Variants in WDR7 observed in about 807,000 individuals in gnomAD.
The protein encoded by WDR7 is WD repeat domain 7, also known as WD repeat-containing protein 7.
In WDR7, 46 loss-of-function variants were observed where a neutral mutation model predicts 169.4. The ratio of observed to expected loss-of-function variants is 0.27; its 90% CI spans 0.21 to 0.35. The LOEUF (loss-of-function observed/expected upper bound fraction) is 0.35. Among genes scored for constraint, WDR7 ranks in the 10% least tolerant of loss-of-function variants. WDR7 has a pLI of 1.00. For synonymous variants in WDR7, 612 were observed against 666.8 expected, an observed-to-expected ratio of 0.92 and a Z score of 1.27; for missense variants, 1,534 against 1,859.3, an observed-to-expected ratio of 0.83 and a Z score of 3.22.
intron 20 of WDR7, among the ~76,000 whole-genome samples, chr18:56,831,554 A>G (rs887566355): frequency 6.6e-6 from 1 of 152,196 alleles, no homozygotes; most frequent in African/African-American, 2.4e-5. Flanking sequence ...AAGATGGCCA[A>G]ATAGGAACAG....
chr18:56,730,444 C>T (rs1047508450), intron 13 of WDR7, among the ~76,000 whole-genome samples: 6 of 152,036 alleles, frequency 3.9e-5, no homozygotes, highest in African/African-American at 7.2e-5. Flanking sequence ...TGGAGATAAA[C>T]AGAAAGGATA....
In WDR7 at chr18:56,691,624, T is replaced by C. The variant is rs2025572244; in HGVS notation, c.864-91T>C. 4 of 1,084,646 alleles carry C rather than the reference T, an allele frequency of 3.7e-6. No individual in the cohort carries two copies. In the African/African-American group the frequency reaches 6.6e-5, roughly 18 times the overall value. The allele number at this position is 1,084,646 out of a possible 1,614,324, so 67.2% of individuals were successfully genotyped here. On this transcript the variant is annotated intron_variant, in intron 8 of 27. Coordinates refer to ENST00000254442, the MANE Select transcript of WDR7 (RefSeq NM_015285.3). ...TTAACTATAATTTAAAAATCCCCTT[T>C]TTGTCCAATACCAACAAACCTTGTC...
downstream of WDR7, chr18:57,033,356 G>A (rs889099219): frequency 6.6e-6 from 1 of 152,176 alleles, no homozygotes; most frequent in African/African-American, 2.4e-5. Context: ...TCAAAGTTTT[G>A]TGTGATCGGA....
intron 25 of WDR7, among the ~76,000 whole-genome samples, chr18:56,943,440 G>T (rs1349974476): frequency 6.6e-6 from 1 of 151,662 alleles, no homozygotes; most frequent in Admixed American, 6.6e-5. Context: ...TCAGCATTCG[G>T]TTGCTGTGGT....
At chr18:56,912,319 C>A (rs745610034) in intron 21 of WDR7, among the ~76,000 whole-genome samples, 5 of 152,142 alleles carry the variant, frequency 3.3e-5, no homozygotes, top group Non-Finnish European at 7.3e-5. Context: ...ACACTCATAT[C>A]CATTTCATCC....
At chr18:56,986,937 C>A (rs1185734475) in intron 26 of WDR7, among the ~76,000 whole-genome samples, 1 of 151,974 alleles carries the variant, frequency 6.6e-6, no homozygotes, top group Non-Finnish European at 1.5e-5. Context: ...GCTTAGGCAA[C>A]AGTTCAGTAA....
chr18:56,662,653 A>G (rs2024929444), intron 1 of WDR7, among the ~76,000 whole-genome samples: 1 of 152,172 alleles, frequency 6.6e-6, no homozygotes, highest in Admixed American at 6.5e-5. Context: ...GTTAGATCCA[A>G]TTTCGTTTGT....
intron 20 of WDR7, among the ~76,000 whole-genome samples, chr18:56,820,315 A>G (rs374690338): frequency 9.0e-6 from 1 of 111,598 alleles, no homozygotes; most frequent in South Asian, 3.3e-4. Flanking sequence ...ACGATGATAA[A>G]GGGTCAAGAG....
intron 21 of WDR7, among the ~76,000 whole-genome samples, chr18:56,907,973 T>C (rs2046502408): frequency 6.6e-6 from 1 of 152,200 alleles, no homozygotes; most frequent in Admixed American, 6.5e-5. Flanking sequence ...TTTGGCACTA[T>C]CGATAACCAT....
chr18:56,737,241 A>C (rs1010952409), intron 14 of WDR7, among the ~76,000 whole-genome samples: 1 of 152,222 alleles, frequency 6.6e-6, no homozygotes, highest in African/African-American at 2.4e-5. Flanking sequence ...GCATACATGC[A>C]TATATTTAGA....
intron 26 of WDR7, among the ~76,000 whole-genome samples, chr18:57,006,533 G>T (rs552263510): frequency 6.6e-6 from 1 of 152,200 alleles, no homozygotes; most frequent in East Asian, 1.9e-4. Flanking sequence ...CAGTATGATT[G>T]CATTAAAGAT....
intron 20 of WDR7, among the ~76,000 whole-genome samples, chr18:56,861,073 T>A (rs2045797502): frequency 6.6e-6 from 1 of 152,194 alleles, no homozygotes; most frequent in African/African-American, 2.4e-5. Context: ...TATGAATTTT[T>A]AAATACTTTT....
intron 12 of WDR7, among the ~76,000 whole-genome samples, chr18:56,712,412 A>G (rs781311044): frequency 2.0e-5 from 3 of 152,250 alleles, no homozygotes; most frequent in Non-Finnish European, 2.9e-5. Flanking sequence ...GGCAAATCCA[A>G]TGAGCCTTTA....
intron 1 of WDR7, among the ~76,000 whole-genome samples, chr18:56,662,563 G>T (rs1340260669): frequency 6.6e-6 from 1 of 152,218 alleles, no homozygotes; most frequent in East Asian, 1.9e-4. Flanking sequence ...GATGTTGTGT[G>T]CTTCCTGAGG....
chr18:56,907,954 G>T (rs193231005), intron 21 of WDR7, among the ~76,000 whole-genome samples: 49 of 152,258 alleles, frequency 3.2e-4, no homozygotes, highest in Non-Finnish European at 5.3e-4. Flanking sequence ...AGGTGGGACC[G>T]AATGGCTTTT....
intron 14 of WDR7, among the ~76,000 whole-genome samples, chr18:56,751,794 T>C (rs1234750755): frequency 6.6e-6 from 1 of 152,222 alleles, no homozygotes; most frequent in Non-Finnish European, 1.5e-5. Context: ...GCATAGTGTC[T>C]GACATTACTC....
At chr18:56,965,899 T>C (rs2047402274) in intron 26 of WDR7, among the ~76,000 whole-genome samples, 1 of 152,174 alleles carries the variant, frequency 6.6e-6, no homozygotes, top group Admixed American at 6.5e-5. Flanking sequence ...ATTATATTGA[T>C]ACAAGATTAA....
chr18:56,834,514 T>G (rs2045365601), intron 20 of WDR7, among the ~76,000 whole-genome samples: 2 of 152,128 alleles, frequency 1.3e-5, no homozygotes, highest in Non-Finnish European at 2.9e-5. Flanking sequence ...TGTCTTCTCT[T>G]TGTCCTTCAA....
At chr18:56,894,577 C>G (rs1367766132) in intron 21 of WDR7, among the ~76,000 whole-genome samples, 1 of 152,012 alleles carries the variant, frequency 6.6e-6, no homozygotes, top group Admixed American at 6.6e-5. Context: ...ATATCCAGTC[C>G]CTTGTATATT....
Sources: gnomAD v4.1 joint callset for allele counts (sites outside exome capture counted in the v4.1 genomes callset) on GRCh38, gnomAD v4.1.1 for gene constraint, MANE v1.5 for transcripts, NCBI Gene and HGNC (gene_info 2026-07-23, HGNC 2026-07-21) for gene names.